Variants in ZNF25 observed in about 807,000 individuals in gnomAD.
ZNF25 encodes zinc finger protein 25 (KOX 19).
Under a neutral mutation model 30.9 loss-of-function variants are expected in ZNF25, and 21 were observed. The ratio of observed to expected loss-of-function variants is 0.68; its 90% confidence interval spans 0.48 to 0.98. The LOEUF is 0.98. ZNF25 is among the 50% of genes least tolerant of loss of function. The pLI, the probability that ZNF25 is intolerant of heterozygous loss-of-function variation, is 0.00. For missense variants in ZNF25, 501 were observed against 529.9 expected, an observed-to-expected ratio of 0.95 and a Z score of 0.54; for synonymous variants, 169 against 181.3, an observed-to-expected ratio of 0.93 and a Z score of 0.55.
chr10:37,969,759 A>G (rs1211409532), intron 2 of ZNF25, among the ~76,000 whole-genome samples: 1 of 152,208 alleles, frequency 6.6e-6, no homozygotes, highest in Non-Finnish European at 1.5e-5. Context: ...TTAAATGATG[A>G]ATGTGAATTT....
At position 37,957,433 on chromosome 10, in the gene ZNF25, G is replaced by A; in HGVS notation, c.129C>T (p.His43=). The A allele has an allele frequency of 1.2e-6, 2 of 1,612,856 alleles. No individual in the cohort carries two copies. The highest frequency in any genetic ancestry group is 8.5e-7 in the Non-Finnish European group (1 of 1,179,488). The change falls in exon 3 of 6, where the codon CAC becomes CAT. Residue 43 remains histidine, a synonymous_variant. Coordinates refer to ENST00000302609, the MANE Select transcript of ZNF25 (RefSeq NM_145011.4). ...AGTTTTCCTCACCCACTGAGACAAG[G>A]TGACTATAGTTTTCCAGCATCACAT... ...YKDVMLENYS[H]LVSVGYHVNK...
At chr10:37,959,612 T>C (rs2062732773) in intron 2 of ZNF25, among the ~76,000 whole-genome samples, 1 of 152,030 alleles carries the variant, frequency 6.6e-6, no homozygotes, top group Admixed American at 6.6e-5. Context: ...TTCATTTTTT[T>C]TTTCTTTTTT....
intron 2 of ZNF25, among the ~76,000 whole-genome samples, chr10:37,957,855 AT>A (rs1474264597): frequency 6.6e-6 from 1 of 152,220 alleles, no homozygotes; most frequent in Non-Finnish European, 1.5e-5. Flanking sequence ...CTATAAAAAA[AT>A]ATAGTATTTT....
chr10:37,957,011 C>T lies in ZNF25; in HGVS notation c.238+9G>A. On this transcript the variant is annotated intron_variant, in intron 4 of 5. Transcript: ENST00000302609. ...CCAGTAACATGGGATATAATTTCTT[C>T]TAACTCACCAGGGAAGCCCCGATGT... is the stretch of plus-strand genomic sequence containing the variant. 1 of 1,610,060 alleles carries T rather than the reference C, an allele frequency of 6.2e-7. No homozygotes were observed. The highest frequency in any genetic ancestry group is 8.5e-7 in the Non-Finnish European group (1 of 1,177,232).
chr10:37,972,868 A>G (rs1590342117), intron 1 of ZNF25, among the ~76,000 whole-genome samples: 1 of 152,278 alleles, frequency 6.6e-6, no homozygotes, highest in East Asian at 1.9e-4. Context: ...CAAAATCAAC[A>G]TTAGAAAACC....
intron 1 of ZNF25, among the ~76,000 whole-genome samples, chr10:37,973,036 C>T (rs551509168): frequency 3.3e-5 from 5 of 152,082 alleles, no homozygotes; most frequent in Non-Finnish European, 7.4e-5. Context: ...GGTGTGGTGG[C>T]GCATGCCTGT....
intron 1 of ZNF25, among the ~76,000 whole-genome samples, chr10:37,972,319 T>C (rs527466362): frequency 1.3e-5 from 2 of 152,334 alleles, no homozygotes; most frequent in South Asian, 4.1e-4. Context: ...ATAAATATGA[T>C]ATAATGAACT....
At position 37,952,040 on chromosome 10, in the gene ZNF25, T is replaced by A; in HGVS notation, c.*87A>T. The stretch of plus-strand genomic sequence containing the variant: ...ATTGTAGCTGAAAATTTCCCTCTAT[T>A]GATGCGATTCATAAGGTGTACCTCT... On this transcript the variant is annotated 3_prime_UTR_variant, in exon 6 of 6. Coordinates refer to ENST00000302609, the MANE Select transcript of ZNF25 (RefSeq NM_145011.4). 7.7e-7 allele frequency: 1 copy of A among 1,290,898 alleles called. No individual in the cohort carries two copies. The highest frequency in any genetic ancestry group is 1.1e-6 in the Non-Finnish European group (1 of 942,736). 80.0% of individuals were successfully genotyped at this position (1,290,898 alleles called of 1,614,324 possible). A position where few individuals can be genotyped will look rare whatever the true frequency, so the allele number is the denominator to read the frequency against.
rs576945200 is a variant in ZNF25, at chr10:37,961,642, C to A, written c.16-4096G>T. Among the ~76,000 whole-genome samples, 11 of 152,218 alleles carry A rather than the reference C, an allele frequency of 7.2e-5. No homozygotes were observed. In the East Asian group the frequency reaches 2.1e-3, roughly 29 times the overall value. On this transcript the variant is annotated intron_variant, in intron 2 of 5. Coordinates refer to ENST00000302609, the MANE Select transcript of ZNF25 (RefSeq NM_145011.4). Reference sequence around the variant, plus strand: ...AAATCAGATATAAAAGCTAATAGGGCCAGGTGTGGTGGCTCATGCCTGTAA... The same window carrying A: ...AAATCAGATATAAAAGCTAATAGGGACAGGTGTGGTGGCTCATGCCTGTAA...
chr10:37,971,910 C>T, intron 1 of ZNF25, 103 bp from the exon 2 acceptor site: 1 of 681,680 alleles, frequency 1.5e-6, no homozygotes, highest in Non-Finnish European at 2.5e-6. Context: ...TGAAGTAGCA[C>T]CCACCTGTCC....
At chr10:37,959,177 A>C (rs1478658100) in intron 2 of ZNF25, among the ~76,000 whole-genome samples, 4 of 152,204 alleles carry the variant, frequency 2.6e-5, no homozygotes, top group African/African-American at 9.7e-5. Flanking sequence ...CACTGTGTAG[A>C]TGAAAATATA....
chr10:37,964,021 A>C (rs1024586612), intron 2 of ZNF25, among the ~76,000 whole-genome samples: 4 of 151,896 alleles, frequency 2.6e-5, no homozygotes, highest in Non-Finnish European at 4.4e-5. Flanking sequence ...CCTACCCCTT[A>C]TCTCTCTCTC....
At chr10:37,960,337 G>A (rs185517698) in intron 2 of ZNF25, among the ~76,000 whole-genome samples, 82 of 151,992 alleles carry the variant, frequency 5.4e-4, no homozygotes, top group African/African-American at 8.4e-4. Context: ...TGTGGGGGCC[G>A]GGTGTGGTGG....
At chr10:37,974,373 C>G (rs545170091) in intron 1 of ZNF25, among the ~76,000 whole-genome samples, 1 of 152,258 alleles carries the variant, frequency 6.6e-6, no homozygotes, top group East Asian at 1.9e-4. Context: ...AACTACCCAT[C>G]TGACAAGGAA....
intron 2 of ZNF25, among the ~76,000 whole-genome samples, chr10:37,958,551 A>G (rs1242343536): frequency 6.6e-6 from 1 of 152,224 alleles, no homozygotes; most frequent in African/African-American, 2.4e-5. Flanking sequence ...AGTAAAATAT[A>G]TTTTACATAC....
chr10:37,973,149 C>G (rs2063589402), intron 1 of ZNF25, among the ~76,000 whole-genome samples: 1 of 146,804 alleles, frequency 6.8e-6, no homozygotes, highest in East Asian at 2.0e-4. Context: ...GCCTAGGCAA[C>G]AAGAGCAAAA....
rs1242754977 is a variant in ZNF25, at chr10:37,950,186, G to A, written c.*1941C>T. 2 of 152,588 alleles carry A rather than the reference G, an allele frequency of 1.3e-5. No individual in the cohort carries two copies. Among genetic ancestry groups the A allele is most frequent in the African/African-American group, 2.4e-5 (1 of 41,424 alleles). The allele number at this position is 152,588 out of a possible 1,614,324, so 9.5% of individuals were successfully genotyped here. A position where few individuals can be genotyped will look rare whatever the true frequency, so the allele number is the denominator to read the frequency against. ...TAGATCTTAGGCTCAAGGGCATGTG[G>A]TGTCTGCTACAACTACTCAACTCTG... On this transcript the variant is annotated 3_prime_UTR_variant, in exon 6 of 6. Transcript: ENST00000302609.
At chr10:37,961,936 A>C (rs1340106444) in intron 2 of ZNF25, among the ~76,000 whole-genome samples, 11 of 146,246 alleles carry the variant, frequency 7.5e-5, no homozygotes, top group Non-Finnish European at 1.7e-4. Context: ...AAAAAAAAAA[A>C]AAAAAAAACC....
At chr10:37,963,958 G>C (rs1162673791) in intron 2 of ZNF25, among the ~76,000 whole-genome samples, 2 of 152,174 alleles carry the variant, frequency 1.3e-5, no homozygotes, top group African/African-American at 4.8e-5. Flanking sequence ...CTGGGTAACA[G>C]AGTGAGACTC....
Sources: allele counts gnomAD v4.1 joint callset (sites outside exome capture counted in the v4.1 genomes callset), GRCh38; gene constraint gnomAD v4.1.1; transcripts MANE v1.5; gene names NCBI Gene and HGNC (gene_info 2026-07-23, HGNC 2026-07-21).